TRAPPC10: variants seen among roughly 807,000 people sequenced by gnomAD.
The protein encoded by TRAPPC10 is TRAPP 130 kDa subunit.
TRAPPC10 carries 23 observed loss-of-function variants against 125.5 expected under a neutral mutation model. The observed-to-expected ratio is 0.18, with a 90% confidence interval of 0.13 to 0.26. TRAPPC10 has a LOEUF of 0.26. Among genes scored for constraint, TRAPPC10 ranks in the 10% least tolerant of loss-of-function variants. The probability of loss-of-function intolerance (pLI) is 1.00; values close to 1 mark genes in which losing one functional copy is unlikely to be tolerated. For synonymous variants in TRAPPC10, 509 were observed against 518.0 expected (o/e 0.98, Z 0.24); for missense variants, 1,123 against 1,308.4 (o/e 0.86, Z 2.19).
chr21:44,014,993 A>G (rs1258531565), intron 1 of TRAPPC10, among the ~76,000 whole-genome samples: 1 of 152,138 alleles, frequency 6.6e-6, no homozygotes. Flanking sequence ...CCTCTCTTTC[A>G]GCTATACATG....
rs1326178981 is a variant in TRAPPC10 at position 44,037,814 on chromosome 21, A to G, written c.172A>G (p.Met58Val). ...WRRSYGRAPKMIHLESNFVQF... is the reference protein window; with the variant it reads ...WRRSYGRAPKVIHLESNFVQF... ...CAGGTCCTATGGCCGGGCTCCGAAGATGATTCACCTAGAGTCTAACTTTGT... is the reference window on the plus strand; with the variant it reads ...CAGGTCCTATGGCCGGGCTCCGAAGGTGATTCACCTAGAGTCTAACTTTGT... The change falls in exon 3 of 23, where the codon ATG (methionine) becomes GTG (valine). Residue 58 changes from methionine to valine, a missense_variant. Physicochemically the swap from Met to Val is conservative, Grantham distance 21. This residue lies in a region of TRAPPC10 where 177 missense variants were observed against 228.9 expected (regional missense o/e 0.77). Transcript: ENST00000291574. The G allele has an allele frequency of 1.9e-6, 3 of 1,613,952 alleles. No individual in the cohort carries two copies. The highest frequency in any genetic ancestry group is 2.5e-6 in the Non-Finnish European group (3 of 1,179,942).
intron 3 of TRAPPC10, among the ~76,000 whole-genome samples, chr21:44,041,497 C>T (rs2034416336): frequency 6.6e-6 from 1 of 152,026 alleles, no homozygotes; most frequent in African/African-American, 2.4e-5. Flanking sequence ...CTGCCTCAGC[C>T]TCCCGAGTAG....
chr21:44,060,915 TACACACACACACAC>T (rs34848979), intron 6 of TRAPPC10, among the ~76,000 whole-genome samples: 15 of 132,260 alleles, frequency 1.1e-4, no homozygotes, highest in Admixed American at 6.8e-4. Context: ...CATACATACA[TACACACACACACAC>T]ACACACACAC....
At chr21:44,036,534 A>G (rs531630739) in intron 2 of TRAPPC10, among the ~76,000 whole-genome samples, 1 of 152,266 alleles carries the variant, frequency 6.6e-6, no homozygotes, top group East Asian at 1.9e-4. Flanking sequence ...ATTCCTGTCT[A>G]CCCCAGAGTC....
chr21:44,020,415 G>A (rs867835579), intron 1 of TRAPPC10, among the ~76,000 whole-genome samples: 27 of 152,144 alleles, frequency 1.8e-4, no homozygotes, highest in African/African-American at 4.3e-4. Context: ...ATGAGCCACC[G>A]CGCCTGGCCC....
intron 10 of TRAPPC10, among the ~76,000 whole-genome samples, chr21:44,077,143 C>T (rs930915669): frequency 2.0e-5 from 3 of 152,012 alleles, no homozygotes; most frequent in Non-Finnish European, 4.4e-5. Context: ...TGCAGAAAGT[C>T]CTTGGAAAAG....
At chr21:44,073,975 C>G (rs558422870) in intron 7 of TRAPPC10, among the ~76,000 whole-genome samples, 1 of 142,626 alleles carries the variant, frequency 7.0e-6, no homozygotes, top group Non-Finnish European at 1.5e-5. Context: ...CTAGGTTTTT[C>G]CTTTTTTTAA....
chr21:44,071,208 C>T (rs189580862), intron 7 of TRAPPC10, among the ~76,000 whole-genome samples: 34 of 152,260 alleles, frequency 2.2e-4, no homozygotes, highest in African/African-American at 6.3e-4. Context: ...AGTCAGGAGC[C>T]GGGTGCCTCT....
chr21:44,052,148 CAATTT>C (rs1397516724), intron 3 of TRAPPC10, 127 bp from the exon 4 acceptor site: 3 of 758,892 alleles, frequency 4.0e-6, no homozygotes, highest in Non-Finnish European at 6.1e-6. Context: ...GCTTTTTATT[CAATTT>C]AAGTCCCGAG....
intron 3 of TRAPPC10, among the ~76,000 whole-genome samples, chr21:44,051,064 C>A (rs571367785): frequency 6.6e-6 from 1 of 152,160 alleles, no homozygotes; most frequent in Admixed American, 6.5e-5. Context: ...CCGCCATGCC[C>A]GGCTAATCTT....
intron 1 of TRAPPC10, among the ~76,000 whole-genome samples, chr21:44,019,356 A>G (rs1340704550): frequency 2.0e-5 from 3 of 152,162 alleles, no homozygotes; most frequent in Admixed American, 2.0e-4. Context: ...AGACAGCTGC[A>G]GGGTCTTAAA....
At chr21:44,066,213 T>A (rs2036440678) in intron 7 of TRAPPC10, among the ~76,000 whole-genome samples, 1 of 152,232 alleles carries the variant, frequency 6.6e-6, no homozygotes, top group Non-Finnish European at 1.5e-5. Flanking sequence ...AGTACCTCAT[T>A]TATTTAAAGA....
At chr21:44,074,711 G>A (rs2146025583) in intron 8 of TRAPPC10, among the ~76,000 whole-genome samples, 1 of 152,370 alleles carries the variant, frequency 6.6e-6, no homozygotes, top group East Asian at 1.9e-4. Context: ...TGTACCCTGA[G>A]TCGGGGGACA....
intron 13 of TRAPPC10, 60 bp downstream of exon 13, chr21:44,080,187 G>A: frequency 7.0e-7 from 1 of 1,429,842 alleles, no homozygotes; most frequent in Non-Finnish European, 9.7e-7. Context: ...AAGTAAAAAA[G>A]AATACAAGAT....
chr21:44,060,167 A>T (rs2145895351), intron 6 of TRAPPC10: 1 of 152,302 alleles, frequency 6.6e-6, no homozygotes, highest in South Asian at 2.1e-4. Flanking sequence ...TCAGGTCTGG[A>T]TATCTCACTC....
chr21:44,076,643 G>T lies in TRAPPC10; in HGVS notation c.1377+15G>T. The T allele has an allele frequency of 6.3e-7, 1 of 1,590,264 alleles. No homozygotes were observed. The highest frequency in any genetic ancestry group is 1.1e-5 in the South Asian group (1 of 90,582). On this transcript the variant is annotated intron_variant, in intron 10 of 22. Coordinates refer to ENST00000291574, the MANE Select transcript of TRAPPC10 (RefSeq NM_003274.5). ...AACACTACTTAGTAAGTATTAACAA[G>T]TGTTCAATGTCTGTTCTGTGAATAC... is the stretch of plus-strand genomic sequence containing the variant.
At chr21:44,055,635 C>A in intron 4 of TRAPPC10, 63 bp from the exon 5 acceptor site, 1 of 1,319,106 alleles carries the variant, frequency 7.6e-7, no homozygotes, top group Non-Finnish European at 1.0e-6. Flanking sequence ...ACAATGGCAG[C>A]TGCTGAGTCG....
intron 15 of TRAPPC10, among the ~76,000 whole-genome samples, chr21:44,086,229 C>G (rs181669634): frequency 2.6e-5 from 4 of 152,206 alleles, no homozygotes; most frequent in Non-Finnish European, 5.9e-5. Flanking sequence ...ACTCTCCCCC[C>G]GGTCCTGGTA....
Position 44,082,827 on chromosome 21 carries a change from T to C in TRAPPC10, c.1763T>C (p.Leu588Pro). ...CTACCCATGCATTCCTTTGCACAAC[T>C]GCGAGATCTCCATTTTGATCCCTCC... ...IVLPMHSFAQ[L>P]RDLHFDPSNA... The change falls in exon 14 of 23, where the codon CTG (leucine) becomes CCG (proline). Residue 588 changes from leucine to proline, a missense_variant. Physicochemically the swap from Leu to Pro is moderately conservative, Grantham distance 98. Around this residue, in one of 4 missense-constraint regions of TRAPPC10, gnomAD observed 840 missense variants for 902.0 expected, o/e 0.93. Transcript: ENST00000291574. The surrounding 1 kb of genome is among the most constrained non-coding windows in gnomAD (Gnocchi z 4.4). The C allele has an allele frequency of 6.2e-7, 1 of 1,613,986 alleles. No individual in the cohort carries two copies. Among genetic ancestry groups the C allele is most frequent in the East Asian group, 2.2e-5 (1 of 44,872 alleles).
Sources: allele counts gnomAD v4.1 joint callset (sites outside exome capture counted in the v4.1 genomes callset), GRCh38; gene constraint gnomAD v4.1.1; regional missense constraint gnomAD v4.1.1; non-coding constraint Gnocchi (gnomAD v3.1); transcripts MANE v1.5; gene names NCBI Gene and HGNC (gene_info 2026-07-23, HGNC 2026-07-21).